LDB2: variants seen among roughly 807,000 people sequenced by gnomAD.
LDB2 encodes the protein LIM domain binding 2.
In LDB2, 12 loss-of-function variants were observed where a neutral mutation model predicts 44.3. The observed-to-expected ratio is 0.27, with a 90% CI of 0.17 to 0.44. The LOEUF (loss-of-function observed/expected upper bound fraction) is 0.44, where lower values mean the gene tolerates loss of function less well. LDB2 is among the 20% of genes least tolerant of loss of function. The pLI is 1.00. For missense variants in LDB2, 344 were observed against 473.5 expected (o/e 0.73, Z 2.54); for synonymous variants, 164 against 174.8 (o/e 0.94, Z 0.49).
chr4:16,724,429 A>G (rs1215369251), intron 2 of LDB2, among the ~76,000 whole-genome samples: 1 of 151,586 alleles, frequency 6.6e-6, no homozygotes, highest in African/African-American at 2.4e-5. Flanking sequence ...CTCTGCACTT[A>G]TCAAAGTCAT....
intron 2 of LDB2, among the ~76,000 whole-genome samples, chr4:16,747,847 A>G (rs1764695828): frequency 6.6e-6 from 1 of 152,180 alleles, no homozygotes; most frequent in South Asian, 2.1e-4. Context: ...TGACTGGGAC[A>G]AGCTCATAAT....
At chr4:16,554,048 G>C (rs1327965435) in intron 5 of LDB2, among the ~76,000 whole-genome samples, 1 of 149,446 alleles carries the variant, frequency 6.7e-6, no homozygotes, top group African/African-American at 2.5e-5. Context: ...TCAATGGCCT[G>C]AATTTTTTTT....
chr4:16,887,032 C>CAAAA lies in LDB2; in HGVS notation c.132+11318_132+11321dup, dbSNP rs371783496. The stretch of plus-strand genomic sequence containing the variant: ...TGGGCGACAGAGCGAAACTCCGTCT[C>CAAAA]AAAAAAAAAAAAAAAAAAAAAAAAA... On this transcript the variant is annotated intron_variant, in intron 1 of 7. Coordinates refer to ENST00000304523, the MANE Select transcript of LDB2 (RefSeq NM_001290.5). Among the ~76,000 whole-genome samples the CAAAA allele has an allele frequency of 2.7e-3, 134 of 50,458 alleles. 7 individuals are homozygous for CAAAA. The highest frequency in any genetic ancestry group is 3.5e-3 in the African/African-American group (53 of 15,016). 33.1% of individuals were successfully genotyped at this position (50,458 alleles called of 152,430 possible). A position where few individuals can be genotyped will look rare whatever the true frequency, so the allele number is the denominator to read the frequency against.
At chr4:16,673,114 C>T (rs1282773169) in intron 2 of LDB2, among the ~76,000 whole-genome samples, 2 of 151,984 alleles carry the variant, frequency 1.3e-5, no homozygotes, top group African/African-American at 4.8e-5. Flanking sequence ...GATTGTAATT[C>T]TGAAAGAGAG....
chr4:16,658,521 G>T (rs1017358301), intron 2 of LDB2, among the ~76,000 whole-genome samples: 1 of 151,170 alleles, frequency 6.6e-6, no homozygotes, highest in Non-Finnish European at 1.5e-5. Context: ...TCCATCTACA[G>T]GGACACAATG....
At chr4:16,805,078 GGAGA>G (rs1166627342) in intron 1 of LDB2, among the ~76,000 whole-genome samples, 4 of 151,584 alleles carry the variant, frequency 2.6e-5, no homozygotes, top group African/African-American at 9.8e-5. Context: ...GGAAGAGAAA[GGAGA>G]GAGAGGGAGA....
intron 1 of LDB2, among the ~76,000 whole-genome samples, chr4:16,816,949 T>C (rs1331902753): frequency 6.6e-6 from 1 of 152,196 alleles, no homozygotes; most frequent in African/African-American, 2.4e-5. Flanking sequence ...GTATGTCATC[T>C]GCGCCCTGTA....
chr4:16,678,140 C>G (rs1746816563), intron 2 of LDB2, among the ~76,000 whole-genome samples: 1 of 152,190 alleles, frequency 6.6e-6, no homozygotes, highest in South Asian at 2.1e-4. Context: ...CAAGGACAGA[C>G]TGGCCAACCC....
At chr4:16,636,022 A>G (rs935555291) in intron 2 of LDB2, among the ~76,000 whole-genome samples, 1 of 152,182 alleles carries the variant, frequency 6.6e-6, no homozygotes, top group African/African-American at 2.4e-5. Context: ...GAGATTGATT[A>G]TATAAGTGAT....
intron 6 of LDB2, among the ~76,000 whole-genome samples, chr4:16,511,590 T>C (rs1721776290): frequency 6.6e-6 from 1 of 152,132 alleles, no homozygotes; most frequent in Admixed American, 6.5e-5. Context: ...TTTCATAATG[T>C]CTGTCATTCT....
At chr4:16,762,548 G>A (rs1399096598) in intron 1 of LDB2, among the ~76,000 whole-genome samples, 1 of 152,086 alleles carries the variant, frequency 6.6e-6, no homozygotes, top group Non-Finnish European at 1.5e-5. Flanking sequence ...AGTGAAGGGG[G>A]AAACCCCTTA....
chr4:16,522,740 G>T (rs1429511302), intron 5 of LDB2, among the ~76,000 whole-genome samples: 3 of 152,074 alleles, frequency 2.0e-5, no homozygotes, highest in African/African-American at 7.2e-5. Flanking sequence ...CTCTGTCTAT[G>T]GTATATATAA....
At chr4:16,834,237 ATTGTGTATAAATGAATAAAC>A (rs1784526572) in intron 1 of LDB2, among the ~76,000 whole-genome samples, 2 of 152,170 alleles carry the variant, frequency 1.3e-5, no homozygotes, top group African/African-American at 2.4e-5. Context: ...TTATTAATGA[ATTGTGTATAAATGAATAAAC>A]TTTGCAAGGG....
intron 2 of LDB2, among the ~76,000 whole-genome samples, chr4:16,632,610 G>C (rs183080090): frequency 1.3e-5 from 2 of 152,192 alleles, no homozygotes; most frequent in South Asian, 2.1e-4. Context: ...AGCAATAAAG[G>C]GTATTCAAAT....
At chr4:16,577,926 T>C (rs1273656271) in intron 5 of LDB2, among the ~76,000 whole-genome samples, 2 of 152,000 alleles carry the variant, frequency 1.3e-5, no homozygotes, top group African/African-American at 4.8e-5. Flanking sequence ...TACAGTAAAC[T>C]CATTTTCAAA....
intron 5 of LDB2, among the ~76,000 whole-genome samples, chr4:16,542,691 C>G (rs1338465220): frequency 6.6e-6 from 1 of 151,902 alleles, no homozygotes; most frequent in Non-Finnish European, 1.5e-5. Context: ...CATTGACCTA[C>G]CCTTATTTCC....
chr4:16,645,944 A>G (rs984785076), intron 2 of LDB2, among the ~76,000 whole-genome samples: 2 of 152,224 alleles, frequency 1.3e-5, no homozygotes, highest in African/African-American at 4.8e-5. Context: ...CAGACATCCG[A>G]GTGGCCTCAG....
At chr4:16,529,229 A>G (rs954811059) in intron 5 of LDB2, among the ~76,000 whole-genome samples, 14 of 152,276 alleles carry the variant, frequency 9.2e-5, no homozygotes, top group African/African-American at 3.4e-4. Flanking sequence ...CTTGGGCCCC[A>G]GACCGAATCA....
intron 2 of LDB2, among the ~76,000 whole-genome samples, chr4:16,751,152 G>A (rs1335321146): frequency 6.6e-6 from 1 of 152,108 alleles, no homozygotes; most frequent in African/African-American, 2.4e-5. Context: ...ACAAGCTCGT[G>A]AGGGCAGTCA....
Sources: allele counts gnomAD v4.1 joint callset (sites outside exome capture counted in the v4.1 genomes callset), GRCh38; gene constraint gnomAD v4.1.1; transcripts MANE v1.5; gene names NCBI Gene and HGNC (gene_info 2026-07-23, HGNC 2026-07-21).